FBP1: variants seen among roughly 807,000 people sequenced by gnomAD.
The protein encoded by FBP1 is fructose-1,6-bisphosphatase 1.
FBP1 carries 22 observed loss-of-function variants against 29.9 expected under a neutral mutation model. The observed-to-expected ratio is 0.74, with a 90% CI of 0.53 to 1.05. The LOEUF is 1.05. FBP1 is among the 50% of genes least tolerant of loss of function. The pLI is 0.00. For synonymous variants in FBP1, 175 were observed against 178.6 expected, an observed-to-expected ratio of 0.98 and a Z score of 0.16; for missense variants, 345 against 448.2, an observed-to-expected ratio of 0.77 and a Z score of 2.08.
chr9:94,639,532 G>T, upstream of FBP1: 1 of 615,114 alleles, frequency 1.6e-6, no homozygotes, highest in Non-Finnish European at 2.9e-6. Flanking sequence ...AGGCGCCGGC[G>T]GGTGAATCGC....
intron 1 of FBP1, among the ~76,000 whole-genome samples, chr9:94,624,321 AAGC>A (rs1827991608): frequency 1.4e-5 from 2 of 138,644 alleles, no homozygotes; most frequent in East Asian, 2.2e-4. Flanking sequence ...CTGGGCGACA[AAGC>A]GAGACTCCAT....
At chr9:94,609,142 T>C (rs1054622495) in intron 4 of FBP1, among the ~76,000 whole-genome samples, 10 of 146,660 alleles carry the variant, frequency 6.8e-5, no homozygotes, top group Admixed American at 6.3e-4. Context: ...TGAGCCGAGA[T>C]CACGCCACTG....
intron 1 of FBP1, among the ~76,000 whole-genome samples, chr9:94,630,376 G>T (rs1043005820): frequency 2.0e-5 from 3 of 152,132 alleles, no homozygotes; most frequent in Admixed American, 2.0e-4. Flanking sequence ...TGGTAAAAGT[G>T]TGTTTGCTGT....
At chr9:94,610,999 G>A (rs1487168392) in intron 3 of FBP1, among the ~76,000 whole-genome samples, 1 of 152,102 alleles carries the variant, frequency 6.6e-6, no homozygotes, top group Non-Finnish European at 1.5e-5. Context: ...AAGTAGCTGG[G>A]AGTACAGGCG....
intron 1 of FBP1, among the ~76,000 whole-genome samples, chr9:94,625,226 C>T (rs555724559): frequency 6.6e-6 from 1 of 152,184 alleles, no homozygotes; most frequent in East Asian, 1.9e-4. Context: ...ACCAGCCAGC[C>T]CTCCCCACTG....
intron 1 of FBP1, among the ~76,000 whole-genome samples, chr9:94,629,077 G>C (rs1005551871): frequency 1.3e-5 from 2 of 152,170 alleles, no homozygotes; most frequent in Non-Finnish European, 2.9e-5. Flanking sequence ...CCCCTCCCGG[G>C]TTCAAGCGAT....
chr9:94,639,635 G>T, upstream of FBP1: 1 of 464,128 alleles, frequency 2.2e-6, no homozygotes, highest in Non-Finnish European at 3.9e-6. Context: ...CGCCTGCTTG[G>T]ATCTTCAGAC....
chr9:94,609,046 C>T (rs1048115731), intron 4 of FBP1, among the ~76,000 whole-genome samples: 2 of 152,024 alleles, frequency 1.3e-5, no homozygotes, highest in African/African-American at 4.8e-5. Flanking sequence ...ACTAAAAATA[C>T]AAGTGTGGTG....
At chr9:94,605,715 G>A (rs549501211) in intron 5 of FBP1, 139 bp from the exon 6 acceptor site, 3 of 811,550 alleles carry the variant, frequency 3.7e-6, no homozygotes, top group East Asian at 2.7e-5. Flanking sequence ...GCTAAAAAAT[G>A]TGATGAGAAT....
chr9:94,620,850 T>C (rs1827936378), intron 1 of FBP1, among the ~76,000 whole-genome samples: 1 of 152,210 alleles, frequency 6.6e-6, no homozygotes, highest in South Asian at 2.1e-4. Context: ...CACCATGGCA[T>C]GTTTATACCT....
chr9:94,603,495 C>T lies in FBP1; in HGVS notation c.903G>A (p.Glu301=), dbSNP rs1188411091. 2.5e-6 allele frequency: 4 copies of T among 1,614,020 alleles called. No individual in the cohort carries two copies. The highest frequency in any genetic ancestry group is 3.4e-6 in the Non-Finnish European group (4 of 1,179,990). The change falls in exon 7 of 7, where the codon GAG becomes GAA. Residue 301 remains glutamate, a synonymous_variant. Transcript: ENST00000375326. ...KAGGMATTGK[E]AVLDVIPTDI... ...CTGTGGGAATGACGTCTAACACGGC[C>T]TCCTTCCCAGTGGTGGCCATTCCCC... is the stretch of plus-strand genomic sequence containing the variant.
intron 3 of FBP1, among the ~76,000 whole-genome samples, chr9:94,612,286 G>A (rs947826776): frequency 5.3e-5 from 8 of 152,098 alleles, no homozygotes; most frequent in Non-Finnish European, 1.0e-4. Context: ...CAGGCTTCAA[G>A]TAACCAGTTC....
chr9:94,603,660 G>T, intron 6 of FBP1, 88 bp from the exon 7 acceptor site: 1 of 1,214,582 alleles, frequency 8.2e-7, no homozygotes, highest in South Asian at 1.2e-5. Flanking sequence ...ATGCAGAGCT[G>T]GTGGGAGTTT....
At chr9:94,615,760 A>G (rs553510195) in intron 3 of FBP1, among the ~76,000 whole-genome samples, 61 of 152,276 alleles carry the variant, frequency 4.0e-4, no homozygotes, top group African/African-American at 1.4e-3. Context: ...CACATATTTG[A>G]AAGGAAATTA....
chr9:94,603,630 A>C (rs1007176419), intron 6 of FBP1, 58 bp from the exon 7 acceptor site: 3 of 1,507,624 alleles, frequency 2.0e-6, no homozygotes, highest in Non-Finnish European at 2.8e-6. Context: ...CGTAAAAAAG[A>C]GACTTTTCTG....
At chr9:94,628,187 G>T (rs1038571587) in intron 1 of FBP1, among the ~76,000 whole-genome samples, 2 of 152,196 alleles carry the variant, frequency 1.3e-5, no homozygotes, top group African/African-American at 4.8e-5. Flanking sequence ...AGGAGTTCGA[G>T]ACCAGCCTGC....
chr9:94,605,386 C>T, intron 6 of FBP1, 71 bp downstream of exon 6: 2 of 1,554,088 alleles, frequency 1.3e-6, no homozygotes, highest in Non-Finnish European at 1.8e-6. Flanking sequence ...AACCTTTCTT[C>T]TTCCTAAACT....
At chr9:94,614,036 G>A (rs189245496) in intron 3 of FBP1, among the ~76,000 whole-genome samples, 525 of 150,896 alleles carry the variant, frequency 3.5e-3, no homozygotes, top group African/African-American at 0.012. Context: ...AGCCGAGATC[G>A]TGCTACTGCA....
intron 3 of FBP1, among the ~76,000 whole-genome samples, chr9:94,616,972 A>C (rs1346179717): frequency 6.7e-6 from 1 of 150,172 alleles, no homozygotes; most frequent in Non-Finnish European, 1.5e-5. Context: ...GCAGCTCTGG[A>C]GGAGGGGTGA....
Sources: gnomAD v4.1 joint callset for allele counts (sites outside exome capture counted in the v4.1 genomes callset) on GRCh38, gnomAD v4.1.1 for gene constraint, MANE v1.5 for transcripts, NCBI Gene and HGNC (gene_info 2026-07-23, HGNC 2026-07-21) for gene names.